Variants in RHPN2 observed in about 807,000 individuals in gnomAD.
RHPN2 encodes the protein rhophilin Rho GTPase binding protein 2.
Under a neutral mutation model 79.0 loss-of-function variants are expected in RHPN2, and 40 were observed. That is an observed-to-expected ratio of 0.51 (90% CI 0.39 to 0.66). RHPN2 has a LOEUF of 0.66. Among genes scored for constraint, RHPN2 ranks in the 30% least tolerant of loss-of-function variants. RHPN2 has a pLI of 0.00. For synonymous variants in RHPN2, 285 were observed against 363.5 expected, an observed-to-expected ratio of 0.78 and a Z score of 2.46; for missense variants, 686 against 883.5, an observed-to-expected ratio of 0.78 and a Z score of 2.83.
At chr19:33,022,597 C>A (rs1341863474) in intron 3 of RHPN2, among the ~76,000 whole-genome samples, 2 of 152,168 alleles carry the variant, frequency 1.3e-5, no homozygotes, top group Admixed American at 6.6e-5. Context: ...CCCAGCTGAC[C>A]ACTCCGTAAC....
chr19:33,061,785 G>A (rs1693799958), intron 1 of RHPN2, among the ~76,000 whole-genome samples: 1 of 151,912 alleles, frequency 6.6e-6, no homozygotes, highest in South Asian at 2.1e-4. Flanking sequence ...CGCCTGGTCA[G>A]CACCTGCCTT....
intron 14 of RHPN2, among the ~76,000 whole-genome samples, chr19:32,983,180 C>CACAG (rs1555709352): frequency 1.4e-5 from 2 of 147,724 alleles, no homozygotes; most frequent in South Asian, 2.2e-4. Flanking sequence ...CACACACACA[C>CACAG]ACACACACTC....
At chr19:33,023,547 G>A (rs749253260) in intron 3 of RHPN2, among the ~76,000 whole-genome samples, 4 of 152,102 alleles carry the variant, frequency 2.6e-5, no homozygotes, top group Non-Finnish European at 4.4e-5. Context: ...CAGCTCTTTG[G>A]GAGGCCGAGG....
At chr19:33,029,620 A>C (rs1200293219) in intron 2 of RHPN2, among the ~76,000 whole-genome samples, 4 of 152,282 alleles carry the variant, frequency 2.6e-5, no homozygotes, top group South Asian at 4.1e-4. Context: ...AAAGTGCCAA[A>C]TCAATTCAAT....
At chr19:33,020,899 T>A (rs1354972532) in intron 4 of RHPN2, among the ~76,000 whole-genome samples, 4 of 152,236 alleles carry the variant, frequency 2.6e-5, no homozygotes, top group Non-Finnish European at 5.9e-5. Context: ...GAAGCAATGC[T>A]GGCAGTATGT....
chr19:32,983,055 T>TACATACACAC (rs1555709325), intron 14 of RHPN2, among the ~76,000 whole-genome samples: 1 of 103,372 alleles, frequency 9.7e-6, no homozygotes, highest in African/African-American at 3.8e-5. Flanking sequence ...CCCAGATCTC[T>TACATACACAC]ACACACACAC....
At chr19:32,987,577 C>A (rs1033691226) in intron 14 of RHPN2, among the ~76,000 whole-genome samples, 1 of 152,216 alleles carries the variant, frequency 6.6e-6, no homozygotes, top group Non-Finnish European at 1.5e-5. Context: ...TCCTTTCCTC[C>A]GACATCTCTG....
At chr19:33,036,871 C>CCCT (rs1972061266) in intron 2 of RHPN2, among the ~76,000 whole-genome samples, 2 of 118,500 alleles carry the variant, frequency 1.7e-5, no homozygotes, top group African/African-American at 1.2e-4. Context: ...CATGCCTGAG[C>CCCT]CCCCCCGCCA....
chr19:33,024,010 C>G (rs1055447790), intron 3 of RHPN2, among the ~76,000 whole-genome samples: 1 of 152,160 alleles, frequency 6.6e-6, no homozygotes, highest in Non-Finnish European at 1.5e-5. Flanking sequence ...GAACAGCCGA[C>G]ATTTATTCCC....
At chr19:32,998,423 G>A (rs1160628082) in intron 10 of RHPN2, among the ~76,000 whole-genome samples, 1 of 152,064 alleles carries the variant, frequency 6.6e-6, no homozygotes, top group Non-Finnish European at 1.5e-5. Context: ...CAGGAGGATC[G>A]CTGGAGGCCA....
chr19:33,048,381 C>A (rs1488268938), intron 1 of RHPN2, among the ~76,000 whole-genome samples: 1 of 151,292 alleles, frequency 6.6e-6, no homozygotes, highest in Admixed American at 6.6e-5. Context: ...AAATTAATAT[C>A]GTTTAAAGCA....
At chr19:33,008,807 G>A (rs951616414) in intron 6 of RHPN2, among the ~76,000 whole-genome samples, 2 of 152,208 alleles carry the variant, frequency 1.3e-5, no homozygotes, top group South Asian at 4.1e-4. Context: ...TGTGCACTGA[G>A]GCTTTTGTTT....
At chr19:33,021,955 T>A (rs1441877343) in intron 3 of RHPN2, among the ~76,000 whole-genome samples, 1 of 152,056 alleles carries the variant, frequency 6.6e-6, no homozygotes, top group East Asian at 1.9e-4. Context: ...TTATTATTAT[T>A]TTTTTTAGAG....
At chr19:32,993,292 T>A (rs544760783) in intron 12 of RHPN2, among the ~76,000 whole-genome samples, 100 of 152,060 alleles carry the variant, frequency 6.6e-4, no homozygotes, top group Non-Finnish European at 1.3e-3. Flanking sequence ...CTGGCCAACA[T>A]GGTGAAACCC....
At chr19:33,063,328 C>T (rs1403988509) in intron 1 of RHPN2, among the ~76,000 whole-genome samples, 1 of 151,998 alleles carries the variant, frequency 6.6e-6, no homozygotes, top group Non-Finnish European at 1.5e-5. Context: ...CCACTCTGCC[C>T]CACACTGTCC....
chr19:33,007,975 G>A, intron 7 of RHPN2, 39 bp downstream of exon 7: 2 of 1,609,684 alleles, frequency 1.2e-6, no homozygotes, highest in Non-Finnish European at 8.5e-7. Flanking sequence ...CACCGGGTGG[G>A]GCCAAGGCTC....
In RHPN2 at chr19:32,996,063, A is replaced by ATCC; in HGVS notation, c.1380_1382dup (p.Glu460dup). ...GGGCGTCGATCAGGTTCAGCAGGTC[A>ATCC]TCCTCCTCCTGGTGCTGGGCGTACG... On this transcript the variant is annotated inframe_insertion, in exon 11 of 15. Coordinates refer to ENST00000254260, the MANE Select transcript of RHPN2 (RefSeq NM_033103.5). 6.2e-7 allele frequency: 1 copy of ATCC among 1,613,982 alleles called. No individual in the cohort carries two copies. Among genetic ancestry groups the ATCC allele is most frequent in the Non-Finnish European group, 8.5e-7 (1 of 1,179,862 alleles).
chr19:33,010,729 T>C (rs2145237459), intron 6 of RHPN2, among the ~76,000 whole-genome samples: 1 of 151,986 alleles, frequency 6.6e-6, no homozygotes, highest in Non-Finnish European at 1.5e-5. Flanking sequence ...TCATCCAGGC[T>C]GGAGTACGGT....
At chr19:33,048,480 C>T (rs1484271486) in intron 1 of RHPN2, among the ~76,000 whole-genome samples, 1 of 150,780 alleles carries the variant, frequency 6.6e-6, no homozygotes, top group African/African-American at 2.4e-5. Flanking sequence ...AATCCCAGCA[C>T]TTTGGGAGGC....
Sources: allele counts gnomAD v4.1 joint callset (sites outside exome capture counted in the v4.1 genomes callset), GRCh38; gene constraint gnomAD v4.1.1; transcripts MANE v1.5; gene names NCBI Gene and HGNC (gene_info 2026-07-23, HGNC 2026-07-21).